Variants in RNF168 observed in about 807,000 individuals in gnomAD.
RNF168 encodes ring finger protein 168.
Under a neutral mutation model 34.9 loss-of-function variants are expected in RNF168, and 34 were observed. That is an observed-to-expected ratio of 0.97 (90% CI 0.74 to 1.30). RNF168 has a LOEUF of 1.30. RNF168 is among the 50% of genes most tolerant of loss of function. RNF168 has a pLI of 0.00. For missense variants in RNF168, 725 were observed against 682.5 expected (o/e 1.06, Z -0.69); for synonymous variants, 264 against 254.7 (o/e 1.04, Z -0.35).
intron 5 of RNF168, 120 bp downstream of exon 5, chr3:196,475,111 T>C (rs1732112424): frequency 1.4e-6 from 1 of 695,122 alleles, no homozygotes; most frequent in African/African-American, 1.8e-5. Flanking sequence ...CTAAGAGGAC[T>C]CAGACAGGGT....
Position 196,503,020 on chromosome 3 carries a change from G to T in RNF168, c.154C>A (p.Pro52Thr). 1 of 1,614,114 alleles carries T rather than the reference G, an allele frequency of 6.2e-7. No individual in the cohort carries two copies. Among genetic ancestry groups the T allele is most frequent in the South Asian group, 1.1e-5 (1 of 91,072 alleles). Reference sequence around the variant, plus strand: ...GACGATACCCGGCGGCGACAGAAGGGACAGCATAAACTCGCCTTTTCGACG... The same window carrying T: ...GACGATACCCGGCGGCGACAGAAGGTACAGCATAAACTCGCCTTTTCGACG... ...STVEKASLCCPFCRRRVSSWT... is the reference protein window; with the variant it reads ...STVEKASLCCTFCRRRVSSWT... Residue 52 changes from proline to threonine, a missense_variant, in exon 1 of 6, where the codon CCC (proline) becomes ACC (threonine). Coordinates refer to ENST00000318037, the MANE Select transcript of RNF168 (RefSeq NM_152617.4).
Sources: allele counts gnomAD v4.1 joint callset, GRCh38; gene constraint gnomAD v4.1.1; transcripts MANE v1.5; gene names NCBI Gene and HGNC (gene_info 2026-07-23, HGNC 2026-07-21).